The following SGIP1 variants were observed in gnomAD, a reference collection of about 807,000 sequenced individuals.
The protein encoded by SGIP1 is SH3GL interacting endocytic adaptor 1.
Under a neutral mutation model 107.5 loss-of-function variants are expected in SGIP1, and 38 were observed. The observed-to-expected ratio is 0.35, with a 90% CI of 0.27 to 0.46. The LOEUF (loss-of-function observed/expected upper bound fraction) is 0.46, where lower values mean the gene tolerates loss of function less well. SGIP1 is among the 20% of genes least tolerant of loss of function. The pLI is 1.00. For missense variants in SGIP1, 929 were observed against 1,019.5 expected (o/e 0.91, Z 1.21); for synonymous variants, 365 against 366.1 (o/e 1.00, Z 0.03).
At chr1:66,661,464 G>A (rs1013845169) in intron 8 of SGIP1, among the ~76,000 whole-genome samples, 12 of 152,186 alleles carry the variant, frequency 7.9e-5, no homozygotes, top group East Asian at 1.9e-4. Flanking sequence ...GGAGGGAGGC[G>A]GAACAGAGAC....
chr1:66,682,379 A>G lies in SGIP1; in HGVS notation c.1315+10A>G, dbSNP rs753593975. On this transcript the variant is annotated intron_variant, in intron 15 of 24. Coordinates refer to ENST00000371037, the MANE Select transcript of SGIP1 (RefSeq NM_032291.4). ...CCGGGGACCACCAGTGGTATGTCTT[A>G]TGCTTGAGTGTGCTTCTTGTGACGG... 7.5e-6 allele frequency: 12 copies of G among 1,596,776 alleles called. No homozygotes were observed. In the Admixed American group the frequency reaches 2.0e-4, roughly 27 times the overall value.
intron 7 of SGIP1, among the ~76,000 whole-genome samples, chr1:66,658,239 C>A (rs1024252931): frequency 1.3e-5 from 2 of 152,134 alleles, no homozygotes; most frequent in Non-Finnish European, 2.9e-5. Context: ...GATGTAGTCC[C>A]TTTCTTGGCC....
At chr1:66,662,089 T>C (rs1382485828) in intron 8 of SGIP1, among the ~76,000 whole-genome samples, 1 of 152,178 alleles carries the variant, frequency 6.6e-6, no homozygotes, top group Non-Finnish European at 1.5e-5. Flanking sequence ...GATAAACACC[T>C]ACAATAGTGT....
intron 12 of SGIP1, among the ~76,000 whole-genome samples, chr1:66,675,707 G>A (rs919409218): frequency 2.0e-5 from 3 of 150,752 alleles, no homozygotes; most frequent in African/African-American, 7.3e-5. Context: ...ACTAATTTTT[G>A]TATTTTTTGT....
At chr1:66,580,781 A>G (rs2061706376) in intron 1 of SGIP1, among the ~76,000 whole-genome samples, 1 of 152,196 alleles carries the variant, frequency 6.6e-6, no homozygotes, top group Non-Finnish European at 1.5e-5. Flanking sequence ...ATGACTACAT[A>G]GCGCTTTTTA....
chr1:66,541,829 G>A (rs938222083), intron 1 of SGIP1, among the ~76,000 whole-genome samples: 3 of 152,128 alleles, frequency 2.0e-5, no homozygotes, highest in African/African-American at 4.8e-5. Context: ...TCATCTAACA[G>A]ATACACCTGG....
Position 66,655,057 on chromosome 1 carries a change from T to C in SGIP1, c.460-5456T>C, listed in dbSNP as rs192479846. ...GACAGCACATATCATAACCAGGTATTTTCTGATATTTTTTCATCCATGCCT... is the reference window on the plus strand; with the variant it reads ...GACAGCACATATCATAACCAGGTATCTTCTGATATTTTTTCATCCATGCCT... On this transcript the variant is annotated intron_variant, in intron 7 of 24. Coordinates refer to ENST00000371037, the MANE Select transcript of SGIP1 (RefSeq NM_032291.4). Among the ~76,000 whole-genome samples, 213 of 152,252 alleles carry C rather than the reference T, an allele frequency of 1.4e-3. 4 individuals carry two copies. The highest frequency in any genetic ancestry group is 5.6e-4 in the Non-Finnish European group (38 of 68,022).
chr1:66,697,705 G>A (rs940534518), intron 18 of SGIP1, among the ~76,000 whole-genome samples: 2 of 152,026 alleles, frequency 1.3e-5, no homozygotes, highest in South Asian at 2.1e-4. Context: ...GCTAGACTCG[G>A]GTATTTTTAG....
At chr1:66,738,276 G>C (rs982163425) in intron 21 of SGIP1, among the ~76,000 whole-genome samples, 1 of 152,084 alleles carries the variant, frequency 6.6e-6, no homozygotes, top group Non-Finnish European at 1.5e-5. Flanking sequence ...TCTACCTTCA[G>C]GACCCTTCTC....
intron 1 of SGIP1, among the ~76,000 whole-genome samples, chr1:66,549,160 TTCCTTCCTTCC>T (rs1242971902): frequency 6.6e-6 from 1 of 150,908 alleles, no homozygotes; most frequent in South Asian, 2.1e-4. Context: ...CCTTCCTTCC[TTCCTTCCTTCC>T]TTCCTTCCTT....
At chr1:66,584,754 C>A (rs1258438405) in intron 1 of SGIP1, among the ~76,000 whole-genome samples, 1 of 152,134 alleles carries the variant, frequency 6.6e-6, no homozygotes, top group Non-Finnish European at 1.5e-5. Context: ...GTATATGAAG[C>A]AAGCAAAACC....
intron 1 of SGIP1, among the ~76,000 whole-genome samples, chr1:66,558,728 G>T (rs1015531052): frequency 4.0e-5 from 6 of 150,540 alleles, no homozygotes; most frequent in Non-Finnish European, 7.4e-5. Context: ...CCTTCAGTTT[G>T]TTTTTTCTCA....
chr1:66,727,623 G>T (rs1438123075), intron 19 of SGIP1, among the ~76,000 whole-genome samples: 1 of 152,174 alleles, frequency 6.6e-6, no homozygotes, highest in African/African-American at 2.4e-5. Context: ...AAACTGGAAA[G>T]AAGCCAAATG....
chr1:66,629,969 A>G (rs2073889245), intron 2 of SGIP1, among the ~76,000 whole-genome samples: 1 of 152,206 alleles, frequency 6.6e-6, no homozygotes, highest in South Asian at 2.1e-4. Context: ...TTATAGATGA[A>G]GAAACTGAGA....
chr1:66,681,403 A>T (rs1365567026), intron 14 of SGIP1, among the ~76,000 whole-genome samples: 1 of 152,242 alleles, frequency 6.6e-6, no homozygotes, highest in Non-Finnish European at 1.5e-5. Flanking sequence ...ATCTTTATAA[A>T]ATGTGAGGCC....
chr1:66,681,029 T>C (rs1278003504), intron 14 of SGIP1, among the ~76,000 whole-genome samples: 2 of 152,238 alleles, frequency 1.3e-5, no homozygotes, highest in Non-Finnish European at 2.9e-5. Context: ...CATGTTGGTA[T>C]CATGACAACA....
intron 13 of SGIP1, 23 bp downstream of exon 13, chr1:66,677,119 C>G (rs752053321): frequency 6.3e-7 from 1 of 1,586,580 alleles, no homozygotes. Flanking sequence ...TCTGCTCTGT[C>G]TGGAAAAATA....
intron 1 of SGIP1, among the ~76,000 whole-genome samples, chr1:66,604,936 T>C (rs530825699): frequency 2.2e-4 from 34 of 152,360 alleles, no homozygotes; most frequent in African/African-American, 7.9e-4. Context: ...TATAGCACTG[T>C]CCTCTTTTAG....
intron 19 of SGIP1, among the ~76,000 whole-genome samples, chr1:66,727,606 T>C (rs2093816107): frequency 6.6e-6 from 1 of 152,228 alleles, no homozygotes; most frequent in African/African-American, 2.4e-5. Flanking sequence ...TTATTTGTAA[T>C]AGGCAAAAAC....
Sources: gnomAD v4.1 joint callset for allele counts (sites outside exome capture counted in the v4.1 genomes callset) on GRCh38, gnomAD v4.1.1 for gene constraint, MANE v1.5 for transcripts, NCBI Gene and HGNC (gene_info 2026-07-23, HGNC 2026-07-21) for gene names.